The following UMAD1 variants were observed in gnomAD, a reference collection of about 807,000 sequenced individuals.
UMAD1 encodes UBAP1-MVB12-associated (UMA)-domain containing protein 1.
UMAD1 carries 8 observed loss-of-function variants against 6.1 expected under a neutral mutation model. The observed-to-expected ratio is 1.30, with a 90% CI of 0.76 to 2.35. The LOEUF is 2.35. Ranked by LOEUF, UMAD1 falls within the 30% of genes most tolerant of loss-of-function variation. UMAD1 has a pLI of 0.00. For synonymous variants in UMAD1, 56 were observed against 31.4 expected, an observed-to-expected ratio of 1.78 and a Z score of -2.61; for missense variants, 130 against 78.4, an observed-to-expected ratio of 1.66 and a Z score of -2.49.
chr7:7,752,344 G>C, intron 2 of UMAD1, among the ~76,000 whole-genome samples: 1 of 152,098 alleles, frequency 6.6e-6, no homozygotes, highest in East Asian at 1.9e-4. Context: ...AAACACTTAA[G>C]TTTCTCTTGA....
intron 2 of UMAD1, among the ~76,000 whole-genome samples, chr7:7,745,047 A>G (rs537488597): frequency 4.6e-5 from 7 of 152,354 alleles, no homozygotes; most frequent in South Asian, 4.1e-4. Context: ...CATACTTTAT[A>G]TATGTTTTAT....
chr7:7,727,579 C>T (rs527429627), intron 2 of UMAD1, among the ~76,000 whole-genome samples: 3 of 152,196 alleles, frequency 2.0e-5, no homozygotes, highest in Non-Finnish European at 2.9e-5. Context: ...AGCATGTTTC[C>T]AAAGGAGAAT....
At chr7:7,664,357 A>T (rs1269235843) in intron 1 of UMAD1, among the ~76,000 whole-genome samples, 1 of 152,134 alleles carries the variant, frequency 6.6e-6, no homozygotes, top group African/African-American at 2.4e-5. Context: ...TCTCTCTAGC[A>T]TGCTATTTTA....
chr7:7,711,641 G>A (rs1780767167), intron 2 of UMAD1, among the ~76,000 whole-genome samples: 2 of 151,870 alleles, frequency 1.3e-5, no homozygotes, highest in African/African-American at 4.8e-5. Flanking sequence ...AGTCATATGT[G>A]GTTTTTTTGC....
intron 2 of UMAD1, among the ~76,000 whole-genome samples, chr7:7,722,157 C>CTATA (rs1001676838): frequency 3.1e-4 from 38 of 122,750 alleles, no homozygotes; most frequent in African/African-American, 1.1e-3. Flanking sequence ...CTCTCTCTCT[C>CTATA]TATATATATA....
chr7:7,761,463 C>A (rs928158229), intron 2 of UMAD1, among the ~76,000 whole-genome samples: 1 of 151,762 alleles, frequency 6.6e-6, no homozygotes, highest in African/African-American at 2.4e-5. Context: ...CTGCCATCTG[C>A]TGGAAAATTA....
intron 2 of UMAD1, among the ~76,000 whole-genome samples, chr7:7,781,360 T>C (rs543342238): frequency 1.3e-5 from 2 of 152,084 alleles, no homozygotes; most frequent in Admixed American, 6.5e-5. Context: ...TGGTTATTCT[T>C]GCTCCTCTTT....
chr7:7,821,724 A>C (rs1783244484), intron 3 of UMAD1, among the ~76,000 whole-genome samples: 2 of 152,182 alleles, frequency 1.3e-5, no homozygotes. Context: ...AAGGCTAAGT[A>C]CTGCTTTGCG....
chr7:7,763,602 C>A (rs920410795), intron 2 of UMAD1, among the ~76,000 whole-genome samples: 1 of 152,168 alleles, frequency 6.6e-6, no homozygotes, highest in Non-Finnish European at 1.5e-5. Flanking sequence ...TTAGGCCGGG[C>A]GTGGTGGCTT....
intron 1 of UMAD1, among the ~76,000 whole-genome samples, chr7:7,668,417 G>T (rs1563103188): frequency 6.6e-6 from 1 of 151,820 alleles, no homozygotes; most frequent in Non-Finnish European, 1.5e-5. Flanking sequence ...AGAGAGAGGG[G>T]GACCATATTC....
intron 3 of UMAD1, among the ~76,000 whole-genome samples, chr7:7,866,649 AG>A (rs1404296212): frequency 6.6e-6 from 1 of 152,216 alleles, no homozygotes; most frequent in Non-Finnish European, 1.5e-5. Flanking sequence ...CACCATGAAA[AG>A]GTTTGGTTAA....
At chr7:7,699,051 G>GA (rs944011752) in intron 2 of UMAD1, among the ~76,000 whole-genome samples, 23 of 69,804 alleles carry the variant, frequency 3.3e-4, no homozygotes, top group African/African-American at 1.3e-3. Flanking sequence ...TGTGTGTGTG[G>GA]GGGGGGGGTA....
At chr7:7,725,223 G>A (rs1226461703) in intron 2 of UMAD1, among the ~76,000 whole-genome samples, 2 of 152,208 alleles carry the variant, frequency 1.3e-5, no homozygotes, top group Non-Finnish European at 2.9e-5. Context: ...TTTGGAGGCA[G>A]CACATTCCTC....
At chr7:7,687,605 T>C (rs1428363634) in intron 2 of UMAD1, among the ~76,000 whole-genome samples, 1 of 152,184 alleles carries the variant, frequency 6.6e-6, no homozygotes, top group Non-Finnish European at 1.5e-5. Context: ...CTGAAGTGTT[T>C]AAAGTGTGCA....
At chr7:7,780,469 T>C (rs554627105) in intron 2 of UMAD1, among the ~76,000 whole-genome samples, 1 of 152,366 alleles carries the variant, frequency 6.6e-6, no homozygotes, top group South Asian at 2.1e-4. Context: ...TTTTTCCAAG[T>C]CATTAATTTT....
At chr7:7,751,468 G>A (rs1286780957) in intron 2 of UMAD1, among the ~76,000 whole-genome samples, 1 of 152,160 alleles carries the variant, frequency 6.6e-6, no homozygotes, top group African/African-American at 2.4e-5. Flanking sequence ...CTCAATTTTG[G>A]CAGAAATGAG....
intron 2 of UMAD1, among the ~76,000 whole-genome samples, chr7:7,759,009 A>C (rs376347713): frequency 6.6e-6 from 1 of 152,202 alleles, no homozygotes; most frequent in Non-Finnish European, 1.5e-5. Context: ...ATTTTTCATC[A>C]TAAGATTGAA....
At chr7:7,816,960 G>C (rs888472240) in intron 3 of UMAD1, among the ~76,000 whole-genome samples, 2 of 152,212 alleles carry the variant, frequency 1.3e-5, no homozygotes, top group African/African-American at 4.8e-5. Flanking sequence ...TCAGCTGCCT[G>C]TAGGATAAAA....
At chr7:7,860,754 G>A (rs1188510984) in intron 3 of UMAD1, among the ~76,000 whole-genome samples, 1 of 144,088 alleles carries the variant, frequency 6.9e-6, no homozygotes, top group Non-Finnish European at 1.5e-5. Context: ...CAGCCTGGGC[G>A]ACAAAGCGAG....
Sources: allele counts gnomAD v4.1 joint callset (sites outside exome capture counted in the v4.1 genomes callset), GRCh38; gene constraint gnomAD v4.1.1; transcripts MANE v1.5; gene names NCBI Gene and HGNC (gene_info 2026-07-23, HGNC 2026-07-21).